RBFOX1: variants seen among roughly 807,000 people sequenced by gnomAD.
RBFOX1 encodes RNA binding protein fox-1 homolog 1.
Under a neutral mutation model 57.7 loss-of-function variants are expected in RBFOX1, and 8 were observed. The ratio of observed to expected loss-of-function variants is 0.14; its 90% CI spans 0.08 to 0.25. RBFOX1 has a LOEUF of 0.25. Among genes scored for constraint, RBFOX1 ranks in the 10% least tolerant of loss-of-function variants. The pLI, the probability that RBFOX1 is intolerant of heterozygous loss-of-function variation, is 1.00. For synonymous variants in RBFOX1, 326 were observed against 222.4 expected (o/e 1.47, Z -4.15); for missense variants, 611 against 548.5 (o/e 1.11, Z -1.14).
At chr16:6,715,097 A>G (rs1247578073) in intron 3 of RBFOX1, among the ~76,000 whole-genome samples, 3 of 152,074 alleles carry the variant, frequency 2.0e-5, no homozygotes, top group Non-Finnish European at 4.4e-5. Context: ...GGCAGCAGGG[A>G]GTGGTGAATA....
rs149602393 is a variant in RBFOX1 at position 6,811,449 on chromosome 16, T to C, written c.-16+156799T>C. On this transcript the variant is annotated intron_variant, in intron 3 of 15. Coordinates refer to ENST00000550418, the MANE Select transcript of RBFOX1 (RefSeq NM_018723.4). Reference sequence around the variant, plus strand: ...GCTATTATACAATATATTTTTTTCCTCTATGAATATTGTAAAATTCCTGTT... The same window carrying C: ...GCTATTATACAATATATTTTTTTCCCCTATGAATATTGTAAAATTCCTGTT... 4.8e-3 allele frequency among the ~76,000 whole-genome samples: 732 copies of C among 152,358 alleles called. 6 individuals are homozygous for C. The highest frequency in any genetic ancestry group is 0.016 in the African/African-American group (650 of 41,578).
chr16:5,445,835 G>A (rs2068223785), intron 1 of RBFOX1, among the ~76,000 whole-genome samples: 1 of 152,216 alleles, frequency 6.6e-6, no homozygotes, highest in Admixed American at 6.5e-5. Flanking sequence ...TTTTAAACAA[G>A]CGAAGAAGTT....
intron 4 of RBFOX1, among the ~76,000 whole-genome samples, chr16:7,255,333 T>TG (rs1457021864): frequency 6.6e-6 from 1 of 152,182 alleles, no homozygotes; most frequent in Non-Finnish European, 1.5e-5. Flanking sequence ...AAAGATTTCG[T>TG]TAAAAGGATG....
At chr16:7,123,502 C>A (rs1021279583) in intron 4 of RBFOX1, among the ~76,000 whole-genome samples, 1 of 152,040 alleles carries the variant, frequency 6.6e-6, no homozygotes, top group South Asian at 2.1e-4. Context: ...GTAGCTGAGA[C>A]TACAGGTGCA....
At chr16:7,330,510 T>TTTG (rs2096673358) in intron 4 of RBFOX1, among the ~76,000 whole-genome samples, 1 of 57,174 alleles carries the variant, frequency 1.7e-5, no homozygotes, top group Admixed American at 1.6e-4. Context: ...GTGTGTGTGT[T>TTTG]TGTGTGTGTG....
intron 4 of RBFOX1, among the ~76,000 whole-genome samples, chr16:7,424,813 A>G (rs550125563): frequency 2.0e-5 from 3 of 152,308 alleles, no homozygotes; most frequent in African/African-American, 7.2e-5. Flanking sequence ...TCACCTTTCT[A>G]GTTATTTTTT....
intron 2 of RBFOX1, chr16:6,577,066 C>T (rs1250834463): frequency 6.6e-6 from 1 of 152,168 alleles, no homozygotes; most frequent in South Asian, 2.1e-4. Flanking sequence ...CTTTGGGATG[C>T]TCCAAACTTC....
chr16:7,641,385 T>C (rs2062762072), intron 11 of RBFOX1, among the ~76,000 whole-genome samples: 2 of 152,208 alleles, frequency 1.3e-5, no homozygotes, highest in African/African-American at 4.8e-5. Context: ...TTAAATCATG[T>C]TTTTATATAA....
rs540973803 is a variant in RBFOX1 at position 5,624,405 on chromosome 16, G to A, written c.318+25444G>A. On this transcript the variant is annotated intron_variant, in intron 3 of 19. Transcript: ENST00000641259. ...GTAGAGACAGGGTTTCACCGTGTTA[G>A]CCAGGATGGTCTGGATCTCCTGACC... 1.3e-4 allele frequency among the ~76,000 whole-genome samples: 20 copies of A among 152,334 alleles called. No homozygotes were observed. In the South Asian group the frequency reaches 3.3e-3, roughly 25 times the overall value.
intron 3 of RBFOX1, among the ~76,000 whole-genome samples, chr16:5,751,971 A>G (rs961389349): frequency 6.6e-6 from 1 of 152,200 alleles, no homozygotes; most frequent in Non-Finnish European, 1.5e-5. Context: ...AGATACATGC[A>G]TGTGTATGTT....
intron 3 of RBFOX1, among the ~76,000 whole-genome samples, chr16:5,610,832 C>T (rs2047755613): frequency 6.6e-6 from 1 of 152,132 alleles, no homozygotes; most frequent in Non-Finnish European, 1.5e-5. Flanking sequence ...TGCAGCACTG[C>T]ACTCCAGCCT....
At chr16:6,648,777 T>C (rs1161578234) in intron 2 of RBFOX1, among the ~76,000 whole-genome samples, 3 of 152,200 alleles carry the variant, frequency 2.0e-5, no homozygotes, top group Non-Finnish European at 2.9e-5. Flanking sequence ...CATTTCTCAA[T>C]GGCATTTTCT....
At chr16:7,224,336 A>T (rs28529567) in intron 4 of RBFOX1, among the ~76,000 whole-genome samples, 1 of 152,088 alleles carries the variant, frequency 6.6e-6, no homozygotes, top group East Asian at 1.9e-4. Context: ...TCAGTATACT[A>T]ATTCTACCAA....
At chr16:6,683,352 T>A (rs2058952681) in intron 3 of RBFOX1, among the ~76,000 whole-genome samples, 1 of 152,172 alleles carries the variant, frequency 6.6e-6, no homozygotes, top group Non-Finnish European at 1.5e-5. Context: ...AAGTTAATAT[T>A]CTTAGGTGTG....
At chr16:5,583,950 T>C (rs564740666) in intron 2 of RBFOX1, among the ~76,000 whole-genome samples, 1 of 152,334 alleles carries the variant, frequency 6.6e-6, no homozygotes, top group African/African-American at 2.4e-5. Context: ...TCTCCGGGAA[T>C]GGCCCAGGGA....
intron 4 of RBFOX1, among the ~76,000 whole-genome samples, chr16:7,439,949 C>CTTTTT (rs144449326): frequency 4.3e-5 from 4 of 94,056 alleles, no homozygotes; most frequent in Non-Finnish European, 5.1e-5. Context: ...TCTTTTCTTT[C>CTTTTT]TTTTTTTTTT....
intron 1 of RBFOX1, chr16:6,038,153 C>T (rs938476823): frequency 2.7e-5 from 4 of 150,924 alleles, no homozygotes; most frequent in Admixed American, 6.6e-5. Flanking sequence ...TGGAAGCAAG[C>T]CTATATTTAT....
At chr16:7,664,574 G>T (rs1397291710) in intron 12 of RBFOX1, among the ~76,000 whole-genome samples, 1 of 152,058 alleles carries the variant, frequency 6.6e-6, no homozygotes, top group Non-Finnish European at 1.5e-5. Context: ...TGGTTTGATT[G>T]CCAACTCTGA....
chr16:6,247,421 G>C (rs2097575430), intron 1 of RBFOX1, among the ~76,000 whole-genome samples: 1 of 152,146 alleles, frequency 6.6e-6, no homozygotes, highest in African/African-American at 2.4e-5. Flanking sequence ...AACCAGACAT[G>C]CTGTCTTTTT....
Sources: gnomAD v4.1 joint callset for allele counts (sites outside exome capture counted in the v4.1 genomes callset) on GRCh38, gnomAD v4.1.1 for gene constraint, MANE v1.5 for transcripts, NCBI Gene and HGNC (gene_info 2026-07-23, HGNC 2026-07-21) for gene names.